Variants in TANC1 observed in about 807,000 individuals in gnomAD.
TANC1 encodes tetratricopeptide repeat, ankyrin repeat and coiled-coil containing 1.
A neutral mutation model predicts 149.7 loss-of-function variants in TANC1; 77 were observed. That is an observed-to-expected ratio of 0.51 (90% CI 0.43 to 0.62). The LOEUF (loss-of-function observed/expected upper bound fraction) is 0.62, where lower values mean the gene tolerates loss of function less well. Among genes scored for constraint, TANC1 ranks in the 20% least tolerant of loss-of-function variants. The pLI is 0.00. For missense variants in TANC1, 1,985 were observed against 2,321.8 expected (o/e 0.85, Z 2.98); for synonymous variants, 854 against 925.0 (o/e 0.92, Z 1.39).
chr2:159,210,802 G>A (rs974745425), intron 19 of TANC1, among the ~76,000 whole-genome samples: 5 of 151,692 alleles, frequency 3.3e-5, no homozygotes, highest in African/African-American at 1.2e-4. Flanking sequence ...TCTTGACCTC[G>A]TGATCTGATC....
chr2:159,005,816 AAG>A (rs2037108152), intron 2 of TANC1, among the ~76,000 whole-genome samples: 2 of 152,228 alleles, frequency 1.3e-5, no homozygotes, highest in South Asian at 4.1e-4. Flanking sequence ...AAGAAAAAAA[AAG>A]AAAATTGTCC....
At chr2:159,119,970 G>T (rs115800870) in intron 4 of TANC1, among the ~76,000 whole-genome samples, 1 of 152,162 alleles carries the variant, frequency 6.6e-6, no homozygotes, top group Non-Finnish European at 1.5e-5. Context: ...CCTCTTGCTC[G>T]CAAGCCCAGC....
At chr2:159,151,905 A>T (rs2052854015) in intron 7 of TANC1, among the ~76,000 whole-genome samples, 1 of 152,216 alleles carries the variant, frequency 6.6e-6, no homozygotes, top group Non-Finnish European at 1.5e-5. Flanking sequence ...AGTATATTTT[A>T]AAAGTTGTGC....
intron 11 of TANC1, among the ~76,000 whole-genome samples, chr2:159,173,623 A>T (rs2150498473): frequency 6.6e-6 from 1 of 152,264 alleles, no homozygotes; most frequent in African/African-American, 2.4e-5. Flanking sequence ...AAAATAAATA[A>T]ATAAATAGAT....
intron 1 of TANC1, among the ~76,000 whole-genome samples, chr2:158,982,987 G>A (rs1200853653): frequency 2.0e-5 from 3 of 152,100 alleles, no homozygotes; most frequent in Non-Finnish European, 4.4e-5. Context: ...TGTTCTGAGT[G>A]TTTTAAAAAT....
intron 4 of TANC1, among the ~76,000 whole-genome samples, chr2:159,120,606 T>G (rs1229292159): frequency 1.3e-5 from 2 of 152,174 alleles, no homozygotes; most frequent in African/African-American, 2.4e-5. Context: ...TTAATTATTT[T>G]TAGAATGAAT....
intron 1 of TANC1, 41 bp downstream of exon 1, chr2:158,968,823 GCCC>G (rs2032346486): frequency 6.6e-6 from 1 of 152,422 alleles, no homozygotes; most frequent in Non-Finnish European, 1.5e-5. Flanking sequence ...GCCTGCGAGC[GCCC>G]CGGGCATGGC....
chr2:159,147,916 A>G lies in TANC1; in HGVS notation c.365-1226A>G, dbSNP rs932124491. 9 of 152,162 alleles carry G rather than the reference A, an allele frequency of 5.9e-5. 1 individual carries two copies. In the South Asian group the frequency reaches 1.5e-3, roughly 25 times the overall value. 9.4% of individuals were successfully genotyped at this position (152,162 alleles called of 1,614,324 possible). A position where few individuals can be genotyped will look rare whatever the true frequency, so the allele number is the denominator to read the frequency against. Reference sequence around the variant, plus strand: ...TTGCAAAACTGATATGTGAGTGACAATAAGCCAGATGGCCTTTGCAAAAGC... The same window carrying G: ...TTGCAAAACTGATATGTGAGTGACAGTAAGCCAGATGGCCTTTGCAAAAGC... On this transcript the variant is annotated intron_variant, in intron 5 of 26. Transcript: ENST00000263635.
rs564559543 is a variant in TANC1 at position 159,230,581 on chromosome 2, C to T, written c.5155C>T (p.Arg1719Cys). The change falls in exon 27 of 27, where the codon CGC becomes TGC. Residue 1719 changes from arginine to cysteine, a missense_variant. Physicochemically the swap from Arg to Cys is radical, Grantham distance 180 (BLOSUM62 -3). Around this residue, in one of 3 missense-constraint regions of TANC1, gnomAD observed 920 missense variants for 994.7 expected, o/e 0.92. Coordinates refer to ENST00000263635, the MANE Select transcript of TANC1 (RefSeq NM_033394.3). This position sits in a 1 kb window ranked among gnomAD's most constrained non-coding sequence, Gnocchi z 4.4. ...VQSGTAEHRP[R>C]NTPFMGIMDK... ...GAGCGGTACAGCTGAGCACAGACCCCGCAACACGCCGTTCATGGGCATCAT... is the reference window on the plus strand; with the variant it reads ...GAGCGGTACAGCTGAGCACAGACCCTGCAACACGCCGTTCATGGGCATCAT... The T allele has an allele frequency of 6.8e-6, 11 of 1,614,048 alleles. No homozygotes were observed. The highest frequency in any genetic ancestry group is 4.5e-5 in the East Asian group (2 of 44,878).
At chr2:159,186,749 TC>T in intron 15 of TANC1, 152 bp from the exon 16 acceptor site, 1 of 874,496 alleles carries the variant, frequency 1.1e-6, no homozygotes, top group Non-Finnish European at 1.7e-6. Context: ...AGCTCGCATG[TC>T]CAGGCATTCT....
At chr2:159,036,307 A>C (rs897395822) in intron 2 of TANC1, among the ~76,000 whole-genome samples, 3 of 152,164 alleles carry the variant, frequency 2.0e-5, no homozygotes, top group African/African-American at 7.2e-5. Context: ...GGTGCTTAGA[A>C]GCTCTTGCAG....
chr2:159,026,455 A>C (rs953376574), intron 2 of TANC1, among the ~76,000 whole-genome samples: 9 of 151,774 alleles, frequency 5.9e-5, no homozygotes, highest in Non-Finnish European at 1.0e-4. Flanking sequence ...TGTTCCTCTC[A>C]ATTTCTCCTA....
chr2:159,045,593 A>C (rs975815630), intron 2 of TANC1, among the ~76,000 whole-genome samples: 2 of 152,224 alleles, frequency 1.3e-5, no homozygotes, highest in African/African-American at 4.8e-5. Context: ...TCAGATCTTC[A>C]AATTTTTTTG....
intron 19 of TANC1, among the ~76,000 whole-genome samples, chr2:159,201,011 G>A (rs917848531): frequency 5.3e-5 from 8 of 151,828 alleles, no homozygotes; most frequent in Non-Finnish European, 7.3e-5. Flanking sequence ...TACTTGAGAC[G>A]TTTGTTAAAA....
chr2:159,122,214 A>C (rs2048916832), intron 4 of TANC1, among the ~76,000 whole-genome samples: 1 of 152,226 alleles, frequency 6.6e-6, no homozygotes, highest in Admixed American at 6.5e-5. Context: ...CTGGAATTAC[A>C]GGTGTGAGCC....
chr2:159,155,716 T>C (rs1458893774), intron 7 of TANC1, among the ~76,000 whole-genome samples: 1 of 152,252 alleles, frequency 6.6e-6, no homozygotes, highest in Non-Finnish European at 1.5e-5. Context: ...ATTTGTTTTC[T>C]TCTTGCTCAG....
chr2:159,011,643 T>G (rs186742624), intron 2 of TANC1, among the ~76,000 whole-genome samples: 2 of 151,304 alleles, frequency 1.3e-5, no homozygotes, highest in East Asian at 4.0e-4. Flanking sequence ...TCAAGCCATC[T>G]TCCCTCCTTA....
intron 17 of TANC1, among the ~76,000 whole-genome samples, chr2:159,196,103 T>C (rs1284478533): frequency 1.3e-5 from 2 of 152,182 alleles, no homozygotes; most frequent in African/African-American, 4.8e-5. Context: ...TCCTTCCCAA[T>C]CAGATGCCAC....
At chr2:159,025,305 G>A (rs1055594454) in intron 2 of TANC1, among the ~76,000 whole-genome samples, 9 of 144,338 alleles carry the variant, frequency 6.2e-5, no homozygotes, top group Admixed American at 4.4e-4. Flanking sequence ...CTTGTGGTAA[G>A]TGTACCTAAA....
Sources: allele counts gnomAD v4.1 joint callset (sites outside exome capture counted in the v4.1 genomes callset), GRCh38; gene constraint gnomAD v4.1.1; regional missense constraint gnomAD v4.1.1; non-coding constraint Gnocchi (gnomAD v3.1); transcripts MANE v1.5; gene names NCBI Gene and HGNC (gene_info 2026-07-23, HGNC 2026-07-21).